GRM7: variants seen among roughly 807,000 people sequenced by gnomAD.
The protein encoded by GRM7 is glutamate metabotropic receptor 7, also known as metabotropic glutamate receptor 7.
Under a neutral mutation model 84.5 loss-of-function variants are expected in GRM7, and 35 were observed. That is an observed-to-expected ratio of 0.41 (90% CI 0.32 to 0.55). The LOEUF is 0.55. GRM7 is among the 20% of genes least tolerant of loss of function. GRM7 has a pLI of 0.19. For missense variants in GRM7, 1,003 were observed against 1,194.6 expected (o/e 0.84, Z 2.36); for synonymous variants, 487 against 455.1 (o/e 1.07, Z -0.89).
At chr3:7,386,738 G>A (rs748994898) in intron 4 of GRM7, among the ~76,000 whole-genome samples, 17 of 152,058 alleles carry the variant, frequency 1.1e-4, no homozygotes, top group South Asian at 2.1e-4. Flanking sequence ...ATTCAAGTGC[G>A]GGTGTCTTTT....
At chr3:7,339,449 A>G (rs543809016) in intron 4 of GRM7, among the ~76,000 whole-genome samples, 157 of 152,258 alleles carry the variant, frequency 1.0e-3, no homozygotes, top group African/African-American at 3.6e-3. Context: ...TCAGCAGCTT[A>G]TCTAGAGTTT....
At chr3:7,427,199 A>G (rs1456154095) in intron 5 of GRM7, among the ~76,000 whole-genome samples, 1 of 152,220 alleles carries the variant, frequency 6.6e-6, no homozygotes, top group Non-Finnish European at 1.5e-5. Context: ...GAAAATCCCA[A>G]AATTCAATAA....
chr3:7,575,578 A>G (rs1694919855), intron 7 of GRM7, among the ~76,000 whole-genome samples: 1 of 152,244 alleles, frequency 6.6e-6, no homozygotes, highest in African/African-American at 2.4e-5. Flanking sequence ...GATATATACA[A>G]ATGATATACA....
intron 1 of GRM7, among the ~76,000 whole-genome samples, chr3:6,932,600 G>A (rs982039773): frequency 1.3e-5 from 2 of 152,052 alleles, no homozygotes; most frequent in East Asian, 1.9e-4. Flanking sequence ...TTTTATGTAC[G>A]CTGCTAACTT....
chr3:7,507,734 T>C (rs1180875051), intron 7 of GRM7, among the ~76,000 whole-genome samples: 1 of 152,230 alleles, frequency 6.6e-6, no homozygotes, highest in African/African-American at 2.4e-5. Flanking sequence ...TATAAAATAC[T>C]GCTTATTTTT....
In GRM7 at chr3:7,261,925, C is replaced by CCTTCCCTCCCTCCCTTCCTCCCTTT. The variant is rs1423043444; in HGVS notation, c.737-36750_737-36749insCTCCCTTCCTCCCTTTCTTCCCTCC. ...CCCTCCCTCCCTCCCTTCCTCCCTT[C>CCTTCCCTCCCTCCCTTCCTCCCTTT]CTTCCCTCCTTCCCTCCTTCCTTTC... On this transcript the variant is annotated intron_variant, in intron 2 of 9. Coordinates refer to ENST00000357716, the MANE Select transcript of GRM7 (RefSeq NM_000844.4). Among the ~76,000 whole-genome samples the CCTTCCCTCCCTCCCTTCCTCCCTTT allele has an allele frequency of 5.3e-5, 7 of 131,472 alleles. 1 individual carries two copies. Among genetic ancestry groups the CCTTCCCTCCCTCCCTTCCTCCCTTT allele is most frequent in the African/African-American group, 2.0e-4 (7 of 35,012 alleles). The allele number at this position is 131,472 out of a possible 152,430, so 86.3% of individuals were successfully genotyped here.
At chr3:7,677,244 A>G (rs1700160333) in intron 8 of GRM7, among the ~76,000 whole-genome samples, 1 of 132,310 alleles carries the variant, frequency 7.6e-6, no homozygotes, top group Non-Finnish European at 1.6e-5. Context: ...CCTGGGCAAT[A>G]GAGGGAGACT....
chr3:7,382,183 T>A (rs1694618487), intron 4 of GRM7, among the ~76,000 whole-genome samples: 1 of 152,104 alleles, frequency 6.6e-6, no homozygotes, highest in African/African-American at 2.4e-5. Context: ...GGATTTAGAG[T>A]CTTCTTACTA....
intron 1 of GRM7, among the ~76,000 whole-genome samples, chr3:7,040,910 C>T (rs1360054101): frequency 6.6e-6 from 1 of 151,644 alleles, no homozygotes; most frequent in Non-Finnish European, 1.5e-5. Context: ...CGGTGAAACC[C>T]AGTATCTACA....
chr3:7,223,433 A>G (rs1449008639), intron 2 of GRM7, among the ~76,000 whole-genome samples: 1 of 151,810 alleles, frequency 6.6e-6, no homozygotes, highest in South Asian at 2.1e-4. Flanking sequence ...CTTCTAGTTC[A>G]TTTCTCATTT....
intron 4 of GRM7, among the ~76,000 whole-genome samples, chr3:7,366,242 T>C (rs115970612): frequency 0.017 from 2,627 of 151,972 alleles, 72 homozygotes; most frequent in African/African-American, 0.06. Context: ...TGTAACTCTT[T>C]TCTGTCCTCT....
intron 1 of GRM7, among the ~76,000 whole-genome samples, chr3:6,910,028 A>G (rs1516567): frequency 6.6e-6 from 1 of 152,094 alleles, no homozygotes; most frequent in African/African-American, 2.4e-5. Flanking sequence ...GATTTTATCT[A>G]TATAAGATAC....
chr3:6,878,741 C>G (rs1001268037), intron 1 of GRM7, among the ~76,000 whole-genome samples: 1 of 152,142 alleles, frequency 6.6e-6, no homozygotes. Context: ...GCTCTAGAAA[C>G]TATATTTTTC....
chr3:7,046,308 T>C (rs1696805722), intron 1 of GRM7, among the ~76,000 whole-genome samples: 2 of 152,066 alleles, frequency 1.3e-5, no homozygotes, highest in Non-Finnish European at 2.9e-5. Flanking sequence ...AAGTAGCAAG[T>C]GTGAGTAGTT....
At chr3:7,719,051 G>C (rs1349431975) in intron 9 of GRM7, among the ~76,000 whole-genome samples, 1 of 152,160 alleles carries the variant, frequency 6.6e-6, no homozygotes, top group Non-Finnish European at 1.5e-5. Flanking sequence ...GAGATGGGTG[G>C]TTGTGGTAAT....
intron 1 of GRM7, among the ~76,000 whole-genome samples, chr3:7,042,993 T>A (rs571357545): frequency 6.1e-4 from 93 of 152,188 alleles, no homozygotes; most frequent in Non-Finnish European, 1.3e-3. Flanking sequence ...TGACAGGCGA[T>A]CTAGATCAGT....
In GRM7 at chr3:6,926,849, G is replaced by C. The variant is rs958551002; in HGVS notation, c.519+64942G>C. 1.1e-4 allele frequency among the ~76,000 whole-genome samples: 16 copies of C among 152,292 alleles called. 1 individual carries two copies. The South Asian group carries it at 3.1e-3, about 30-fold the overall frequency. ...TTCCATATTTTCCGTTTTGTGAATA[G>C]AGTTGCGGCAAACATCTTTGTACAA... is the stretch of plus-strand genomic sequence containing the variant. On this transcript the variant is annotated intron_variant, in intron 1 of 9. Coordinates refer to ENST00000357716, the MANE Select transcript of GRM7 (RefSeq NM_000844.4).
chr3:7,208,697 T>G (rs1696321389), intron 2 of GRM7, among the ~76,000 whole-genome samples: 1 of 152,198 alleles, frequency 6.6e-6, no homozygotes, highest in African/African-American at 2.4e-5. Flanking sequence ...CTGATACATC[T>G]GATTGTAGTT....
intron 8 of GRM7, among the ~76,000 whole-genome samples, chr3:7,674,055 G>A (rs1700036199): frequency 6.6e-6 from 1 of 152,174 alleles, no homozygotes; most frequent in South Asian, 2.1e-4. Flanking sequence ...GATGCCTGTG[G>A]ATTGAGCATC....
Sources: gnomAD v4.1 joint callset for allele counts (sites outside exome capture counted in the v4.1 genomes callset) on GRCh38, gnomAD v4.1.1 for gene constraint, MANE v1.5 for transcripts, NCBI Gene and HGNC (gene_info 2026-07-23, HGNC 2026-07-21) for gene names.